Variants in LHFPL4 observed in about 807,000 individuals in gnomAD.
LHFPL4 encodes LHFPL tetraspan subfamily member 4 protein.
A neutral mutation model predicts 20.0 loss-of-function variants in LHFPL4; 6 were observed. That is an observed-to-expected ratio of 0.30 (90% confidence interval 0.16 to 0.59). The LOEUF (loss-of-function observed/expected upper bound fraction) is 0.59. Among genes scored for constraint, LHFPL4 ranks in the 20% least tolerant of loss-of-function variants. The pLI is 0.88. For synonymous variants in LHFPL4, 129 were observed against 143.8 expected, an observed-to-expected ratio of 0.90 and a Z score of 0.74; for missense variants, 215 against 331.2, an observed-to-expected ratio of 0.65 and a Z score of 2.72.
chr3:9,535,003 G>A (rs2046436395), intron 2 of LHFPL4, among the ~76,000 whole-genome samples: 2 of 151,926 alleles, frequency 1.3e-5, no homozygotes, highest in African/African-American at 2.4e-5. Context: ...AGGAGAAGGA[G>A]GAGAAATAAT....
chr3:9,533,659 G>T (rs558718455), intron 2 of LHFPL4, among the ~76,000 whole-genome samples: 2 of 152,272 alleles, frequency 1.3e-5, no homozygotes, highest in South Asian at 4.1e-4. Context: ...GCGGGCGCCT[G>T]TAGTCCCAGC....
At chr3:9,539,686 C>A (rs1484768763) in intron 2 of LHFPL4, among the ~76,000 whole-genome samples, 3 of 152,064 alleles carry the variant, frequency 2.0e-5, no homozygotes, top group Non-Finnish European at 4.4e-5. Context: ...AAAAGATAAA[C>A]TGAGAAGCAA....
chr3:9,527,255 A>G (rs1373289360), intron 2 of LHFPL4, among the ~76,000 whole-genome samples: 1 of 152,134 alleles, frequency 6.6e-6, no homozygotes, highest in Non-Finnish European at 1.5e-5. Context: ...GTATATTCAT[A>G]TATTACTTGT....
chr3:9,523,151 G>A (rs749440667), intron 2 of LHFPL4, among the ~76,000 whole-genome samples: 22 of 151,482 alleles, frequency 1.5e-4, no homozygotes, highest in Non-Finnish European at 2.9e-4. Flanking sequence ...AGGCATGGTG[G>A]CTCATGCCTG....
chr3:9,529,574 G>A (rs184679165), intron 2 of LHFPL4, among the ~76,000 whole-genome samples: 6 of 152,250 alleles, frequency 3.9e-5, no homozygotes, highest in Admixed American at 1.3e-4. Flanking sequence ...TCCTGAGAGC[G>A]CTTGTGTGAC....
chr3:9,507,250 G>C (rs1230677782), intron 2 of LHFPL4, among the ~76,000 whole-genome samples: 1 of 152,214 alleles, frequency 6.6e-6, no homozygotes, highest in Non-Finnish European at 1.5e-5. Context: ...TGCGGGGTGG[G>C]GAGACTTGGA....
At chr3:9,524,242 C>T (rs2046359870) in intron 2 of LHFPL4, among the ~76,000 whole-genome samples, 1 of 149,916 alleles carries the variant, frequency 6.7e-6, no homozygotes, top group Non-Finnish European at 1.5e-5. Context: ...TTTGGCATAT[C>T]CTGCATGGTG....
intron 2 of LHFPL4, among the ~76,000 whole-genome samples, chr3:9,515,230 C>T (rs9818611): frequency 0.5 from 76,185 of 152,028 alleles, 19,229 homozygotes; most frequent in African/African-American, 0.56. Context: ...TTGTTTGAAA[C>T]TGTATTTCCC....
At chr3:9,522,967 G>A (rs1209561584) in intron 2 of LHFPL4, among the ~76,000 whole-genome samples, 2 of 150,030 alleles carry the variant, frequency 1.3e-5, no homozygotes, top group Non-Finnish European at 3.0e-5. Context: ...TGTGAACCAG[G>A]GAGGCGGAGC....
rs75180946 is a variant in LHFPL4 at position 9,502,274 on chromosome 3, G to A, written c.681C>T (p.Pro227=). Reference sequence around the variant, plus strand: ...CTCCCCATCCAGAGACATCACCCCCGGGCCGCAACACGGAGCTTACTGTAG... The same window carrying A: ...CTCCCCATCCAGAGACATCACCCCCAGGCCGCAACACGGAGCTTACTGTAG... ...VGSTVSSVLR[P]GGDVSGWGVL... is the part of the protein sequence containing the mutation. The change falls in exon 4 of 4, where the codon CCC becomes CCT. Residue 227 remains proline (P), a synonymous_variant. Transcript: ENST00000287585. 1.3e-3 allele frequency: 2,115 copies of A among 1,613,910 alleles called. 17 individuals are homozygous for A. In the African/African-American group the frequency reaches 0.016, roughly 12 times the overall value.
At chr3:9,516,871 C>T (rs2046306382) in intron 2 of LHFPL4, among the ~76,000 whole-genome samples, 1 of 150,580 alleles carries the variant, frequency 6.6e-6, no homozygotes. Context: ...CCTCCACCAC[C>T]TGGGTTCAAG....
intron 2 of LHFPL4, among the ~76,000 whole-genome samples, chr3:9,510,634 A>G (rs895012779): frequency 6.6e-6 from 1 of 151,874 alleles, no homozygotes; most frequent in South Asian, 2.1e-4. Context: ...TTGTGATACT[A>G]TTGTTAAAAA....
chr3:9,503,914 C>T (rs1210967349), intron 3 of LHFPL4, among the ~76,000 whole-genome samples: 1 of 151,882 alleles, frequency 6.6e-6, no homozygotes, highest in Non-Finnish European at 1.5e-5. Context: ...TAGTCCCAGC[C>T]ACTCAGGAGG....
chr3:9,547,581 A>G (rs1355031684), intron 2 of LHFPL4, among the ~76,000 whole-genome samples: 1 of 152,246 alleles, frequency 6.6e-6, no homozygotes, highest in Non-Finnish European at 1.5e-5. Flanking sequence ...TCAACAGATG[A>G]GGATTAAATG....
intron 2 of LHFPL4, among the ~76,000 whole-genome samples, chr3:9,513,144 TAGAG>T (rs2046272477): frequency 6.6e-6 from 1 of 152,034 alleles, no homozygotes; most frequent in Non-Finnish European, 1.5e-5. Flanking sequence ...GTATTTTTAG[TAGAG>T]ACGGGGTTTC....
intron 2 of LHFPL4, among the ~76,000 whole-genome samples, chr3:9,533,769 A>T (rs1386561030): frequency 6.6e-6 from 1 of 151,934 alleles, no homozygotes; most frequent in Non-Finnish European, 1.5e-5. Flanking sequence ...GCAACAGAGC[A>T]AGACTCTGTC....
chr3:9,523,136 G>A (rs1265578534), intron 2 of LHFPL4, among the ~76,000 whole-genome samples: 3 of 139,786 alleles, frequency 2.1e-5, no homozygotes, highest in Admixed American at 7.2e-5. Context: ...GCAAGCAAGC[G>A]AGCCAGGCAT....
At chr3:9,527,480 G>T (rs1289453317) in intron 2 of LHFPL4, among the ~76,000 whole-genome samples, 1 of 152,046 alleles carries the variant, frequency 6.6e-6, no homozygotes, top group Non-Finnish European at 1.5e-5. Context: ...ATTTGGGAGT[G>T]CTGAGGTGGG....
chr3:9,553,511 G>C (rs1161252667), intron 1 of LHFPL4, among the ~76,000 whole-genome samples, 174 bp downstream of exon 1: 1 of 151,376 alleles, frequency 6.6e-6, no homozygotes, highest in African/African-American at 2.4e-5. Flanking sequence ...ACGAAAGACC[G>C]GGGCCGGTGA....
Sources: gnomAD v4.1 joint callset for allele counts (sites outside exome capture counted in the v4.1 genomes callset) on GRCh38, gnomAD v4.1.1 for gene constraint, MANE v1.5 for transcripts, NCBI Gene and HGNC (gene_info 2026-07-23, HGNC 2026-07-21) for gene names.